The following ROBO2 variants were observed in gnomAD, a reference collection of about 807,000 sequenced individuals.
ROBO2 encodes the protein roundabout guidance receptor 2.
In ROBO2, 53 loss-of-function variants were observed where a neutral mutation model predicts 160.8. That is an observed-to-expected ratio of 0.33 (90% CI 0.26 to 0.41). The LOEUF is 0.41. ROBO2 is among the 10% of genes least tolerant of loss of function. ROBO2 has a pLI of 1.00. For missense variants in ROBO2, 1,577 were observed against 1,722.4 expected, an observed-to-expected ratio of 0.92 and a Z score of 1.49; for synonymous variants, 664 against 611.7, an observed-to-expected ratio of 1.09 and a Z score of -1.26.
intron 2 of ROBO2, among the ~76,000 whole-genome samples, chr3:77,249,144 C>T (rs780507748): frequency 1.4e-4 from 22 of 152,170 alleles, no homozygotes; most frequent in Non-Finnish European, 2.6e-4. Flanking sequence ...AGCCACCGCC[C>T]CTGCCCACAT....
At chr3:76,526,698 T>C (rs2081966133) in intron 2 of ROBO2, among the ~76,000 whole-genome samples, 1 of 152,026 alleles carries the variant, frequency 6.6e-6, no homozygotes, top group Admixed American at 6.6e-5. Context: ...GCTGAATTGT[T>C]GCAACTCAAC....
chr3:77,602,652 ACCACCACCG>A, intron 20 of ROBO2, 161 bp downstream of exon 21: 7 of 820,266 alleles, frequency 8.5e-6, no homozygotes, highest in Non-Finnish European at 1.4e-5. Flanking sequence ...AATTCCTACC[ACCACCACCG>A]CCACCACCAC....
rs112252048 is a variant in ROBO2 at position 77,606,484 on chromosome 3, AACAAGTATACT to A, written c.3137-1308_3137-1298del. Among the ~76,000 whole-genome samples the A allele has an allele frequency of 2.5e-3, 380 of 152,286 alleles. 2 individuals are homozygous for A. Among genetic ancestry groups the A allele is most frequent in the African/African-American group, 8.8e-3 (364 of 41,546 alleles). ...CCTCTTAAAATCTTTTATTCTACCA[AACAAGTATACT>A]ACAAGGCAAGATGAAAGCAATTTGT... On this transcript the variant is annotated intron_variant, in intron 20 of 25. Transcript: ENST00000461745.
intron 2 of ROBO2, among the ~76,000 whole-genome samples, chr3:76,731,026 T>G (rs72890265): frequency 0.033 from 3,483 of 104,258 alleles, 368 homozygotes; most frequent in African/African-American, 0.059. Flanking sequence ...CCTCACCTCC[T>G]ACTCCCTACC....
At chr3:77,152,486 G>A (rs73095852) in intron 2 of ROBO2, among the ~76,000 whole-genome samples, 1 of 152,094 alleles carries the variant, frequency 6.6e-6, no homozygotes, top group Non-Finnish European at 1.5e-5. Flanking sequence ...AACAGCCACC[G>A]CTGACTGTGG....
chr3:76,774,835 T>A (rs2062140529), intron 2 of ROBO2, among the ~76,000 whole-genome samples: 1 of 147,130 alleles, frequency 6.8e-6, no homozygotes, highest in Admixed American at 6.8e-5. Context: ...TCCCGAGAGG[T>A]AGTAATTGTA....
At chr3:77,176,565 C>T (rs1043741098) in intron 2 of ROBO2, among the ~76,000 whole-genome samples, 2 of 151,976 alleles carry the variant, frequency 1.3e-5, no homozygotes, top group Admixed American at 6.6e-5. Flanking sequence ...AAGCATATAT[C>T]ATTAGAAAGA....
Position 76,046,911 on chromosome 3 carries a change from G to A in ROBO2, c.109+109309G>A, listed in dbSNP as rs138173445. 3.9e-5 allele frequency among the ~76,000 whole-genome samples: 6 copies of A among 152,134 alleles called. No individual in the cohort carries two copies. In the East Asian group the frequency reaches 1.2e-3, roughly 29 times the overall value. On this transcript the variant is annotated intron_variant, in intron 2 of 26. Transcript: ENST00000487694. ...TGTGCTCTGCCCTGACTCAGTGCATGATTCGTCAAAGTATCCATTTGTTCA... is the reference window on the plus strand; with the variant it reads ...TGTGCTCTGCCCTGACTCAGTGCATAATTCGTCAAAGTATCCATTTGTTCA...
intron 17 of ROBO2, among the ~76,000 whole-genome samples, chr3:77,589,342 A>G (rs1320205483): frequency 6.6e-6 from 1 of 152,120 alleles, no homozygotes; most frequent in East Asian, 1.9e-4. Flanking sequence ...AAAGTTTGAA[A>G]TATAGCTTTT....
intron 2 of ROBO2, among the ~76,000 whole-genome samples, chr3:77,385,681 C>A (rs1384849569): frequency 6.6e-6 from 1 of 152,150 alleles, no homozygotes; most frequent in East Asian, 1.9e-4. Flanking sequence ...TCTGTGAGGT[C>A]TTTGGGATGA....
chr3:76,895,056 A>G (rs1230342829), intron 2 of ROBO2, among the ~76,000 whole-genome samples: 1 of 152,106 alleles, frequency 6.6e-6, no homozygotes, highest in East Asian at 1.9e-4. Flanking sequence ...TTAACTTTGA[A>G]TTGAGATATT....
intron 2 of ROBO2, among the ~76,000 whole-genome samples, chr3:76,770,821 G>GT (rs1335073372): frequency 1.3e-5 from 2 of 151,290 alleles, no homozygotes; most frequent in African/African-American, 4.8e-5. Context: ...TCCAACTGAG[G>GT]TGATTTTATC....
intron 2 of ROBO2, among the ~76,000 whole-genome samples, chr3:76,208,575 T>C (rs1414159819): frequency 6.6e-6 from 1 of 152,138 alleles, no homozygotes; most frequent in Non-Finnish European, 1.5e-5. Context: ...CATACTTTCG[T>C]ATAAAATGTG....
At chr3:76,589,298 C>T (rs1039086963) in intron 2 of ROBO2, among the ~76,000 whole-genome samples, 3 of 151,528 alleles carry the variant, frequency 2.0e-5, no homozygotes, top group Admixed American at 1.3e-4. Flanking sequence ...AAACACTTGG[C>T]TTTTTGTTTG....
intron 2 of ROBO2, among the ~76,000 whole-genome samples, chr3:76,790,292 C>G (rs2063274774): frequency 6.6e-6 from 1 of 151,574 alleles, no homozygotes; most frequent in Admixed American, 6.6e-5. Flanking sequence ...CAAACTTGAG[C>G]TTTTAGGACA....
At chr3:76,596,064 G>A (rs1271806755) in intron 2 of ROBO2, among the ~76,000 whole-genome samples, 1 of 151,928 alleles carries the variant, frequency 6.6e-6, no homozygotes, top group Non-Finnish European at 1.5e-5. Flanking sequence ...GAAAGGTTTG[G>A]GGAATAAAAG....
At chr3:76,361,148 A>T (rs191705729) in intron 2 of ROBO2, among the ~76,000 whole-genome samples, 1 of 152,070 alleles carries the variant, frequency 6.6e-6, no homozygotes, top group African/African-American at 2.4e-5. Context: ...AAGGAAACTC[A>T]AAGTAAAAAT....
intron 2 of ROBO2, among the ~76,000 whole-genome samples, chr3:76,892,095 A>T (rs1253562364): frequency 6.6e-6 from 1 of 150,468 alleles, no homozygotes; most frequent in Non-Finnish European, 1.5e-5. Flanking sequence ...TTTTCAGGAA[A>T]CCTGTGACAA....
intron 2 of ROBO2, among the ~76,000 whole-genome samples, chr3:76,688,657 T>C (rs2092735302): frequency 6.6e-6 from 1 of 151,682 alleles, no homozygotes; most frequent in African/African-American, 2.4e-5. Context: ...AGCGCAGTCC[T>C]AGTCCTTTGA....
Sources: gnomAD v4.1 joint callset for allele counts (sites outside exome capture counted in the v4.1 genomes callset) on GRCh38, gnomAD v4.1.1 for gene constraint, MANE v1.5 for transcripts, NCBI Gene and HGNC (gene_info 2026-07-23, HGNC 2026-07-21) for gene names.